Variants in MAST2 observed in about 807,000 individuals in gnomAD.
MAST2 encodes the protein microtubule associated serine/threonine kinase 2, also known as microtubule-associated serine/threonine-protein kinase 2.
In MAST2, 70 loss-of-function variants were observed where a neutral mutation model predicts 147.4. The ratio of observed to expected loss-of-function variants is 0.47; its 90% CI spans 0.39 to 0.58. The LOEUF is 0.58. Ranked by LOEUF, MAST2 falls within the 20% of genes least tolerant of loss-of-function variation. The pLI is 0.00. For synonymous variants in MAST2, 869 were observed against 896.8 expected, an observed-to-expected ratio of 0.97 and a Z score of 0.55; for missense variants, 2,080 against 2,302.3, an observed-to-expected ratio of 0.90 and a Z score of 1.98.
At position 46,035,313 on chromosome 1, in the gene MAST2, G is replaced by T. The variant is rs201977177; in HGVS notation, c.4644G>T (p.Pro1548=). Residue 1548 remains proline, a synonymous_variant, in exon 29 of 29, where the codon CCG becomes CCT. Transcript: ENST00000361297. This position sits in a 1 kb window ranked among gnomAD's most constrained non-coding sequence, Gnocchi z 5.5. The stretch of plus-strand genomic sequence containing the variant: ...AGAGTGGGGAAGAGGATCCTTTCCC[G>T]TCCAGAGACCCTAGGAGCCTGGGCC... The part of the protein sequence containing the change: ...AGESGEEDPF[P]SRDPRSLGPM... The T allele has an allele frequency of 1.4e-5, 23 of 1,613,824 alleles. No individual in the cohort carries two copies. The highest frequency in any genetic ancestry group is 1.9e-5 in the Non-Finnish European group (22 of 1,179,994).
At chr1:45,898,948 T>C (rs1208521476) in intron 4 of MAST2, among the ~76,000 whole-genome samples, 2 of 152,206 alleles carry the variant, frequency 1.3e-5, no homozygotes, top group East Asian at 1.9e-4. Context: ...GGGCATTCTT[T>C]TAACAGGCCA....
At chr1:45,869,249 T>G (rs1438908158) in intron 3 of MAST2, among the ~76,000 whole-genome samples, 1 of 152,212 alleles carries the variant, frequency 6.6e-6, no homozygotes, top group Non-Finnish European at 1.5e-5. Flanking sequence ...AGTATCTTTG[T>G]AGACAAGGAT....
intron 3 of MAST2, among the ~76,000 whole-genome samples, chr1:45,849,792 C>T (rs1051429813): frequency 1.3e-5 from 2 of 152,208 alleles, no homozygotes; most frequent in African/African-American, 4.8e-5. Context: ...TCCCAAAGTG[C>T]TGGGATTACA....
intron 1 of MAST2, among the ~76,000 whole-genome samples, chr1:45,812,786 A>G (rs1266547223): frequency 6.6e-6 from 1 of 152,194 alleles, no homozygotes; most frequent in Non-Finnish European, 1.5e-5. Flanking sequence ...GACCTCTCAA[A>G]CTTAACATGT....
At chr1:45,805,185 A>T (rs1224035170) in intron 1 of MAST2, among the ~76,000 whole-genome samples, 1 of 151,734 alleles carries the variant, frequency 6.6e-6, no homozygotes, top group Admixed American at 6.6e-5. Context: ...GCTAGCTGGG[A>T]TTACAGGTGC....
chr1:45,819,262 A>G (rs965432400), intron 1 of MAST2, among the ~76,000 whole-genome samples: 5 of 152,172 alleles, frequency 3.3e-5, no homozygotes, highest in African/African-American at 1.2e-4. Context: ...CAAAAAAAAA[A>G]AAAAAAAGAA....
chr1:45,934,228 T>C (rs2148738172), intron 4 of MAST2, among the ~76,000 whole-genome samples: 1 of 152,302 alleles, frequency 6.6e-6, no homozygotes, highest in African/African-American at 2.4e-5. Flanking sequence ...GCTGCATCCA[T>C]GTTGCTGTAA....
At chr1:45,990,898 G>GT (rs980599714) in intron 5 of MAST2, among the ~76,000 whole-genome samples, 2 of 151,782 alleles carry the variant, frequency 1.3e-5, no homozygotes, top group African/African-American at 4.8e-5. Context: ...GCTTATTAAT[G>GT]TTTTTTTTCA....
intron 4 of MAST2, among the ~76,000 whole-genome samples, chr1:45,933,120 C>T (rs1655596563): frequency 6.9e-6 from 1 of 145,396 alleles, no homozygotes; most frequent in Non-Finnish European, 1.5e-5. Context: ...CCTGTAGTCC[C>T]AGCTACTCAG....
Position 46,010,910 on chromosome 1 carries a change from C to G in MAST2, c.1159C>G (p.Gln387Glu). The G allele has an allele frequency of 6.2e-7, 1 of 1,614,156 alleles. No individual in the cohort carries two copies. Among genetic ancestry groups the G allele is most frequent in the Non-Finnish European group, 8.5e-7 (1 of 1,180,016 alleles). Residue 387 changes from glutamine (Q) to glutamate (E), a missense_variant, in exon 10 of 29, where the codon CAA (glutamine) becomes GAA (glutamate). Physicochemically the swap from Gln to Glu is conservative, Grantham distance 29. Around this residue, in one of 4 missense-constraint regions of MAST2, gnomAD observed 569 missense variants for 642.5 expected, o/e 0.89. Coordinates refer to ENST00000361297, the MANE Select transcript of MAST2 (RefSeq NM_015112.3). ...LITSQYFYELQDNLEKLLQDA... is the reference protein window; with the variant it reads ...LITSQYFYELEDNLEKLLQDA... ...TACATCACAATACTTCTACGAACTTCAAGATAATTTGGAGAAACTTTTACA... is the reference window on the plus strand; with the variant it reads ...TACATCACAATACTTCTACGAACTTGAAGATAATTTGGAGAAACTTTTACA...
intron 4 of MAST2, among the ~76,000 whole-genome samples, chr1:45,931,635 G>T (rs996233665): frequency 1.3e-5 from 2 of 151,902 alleles, no homozygotes; most frequent in South Asian, 4.2e-4. Flanking sequence ...GACTACAGGC[G>T]CCCGCCACCA....
At chr1:45,971,256 C>A (rs1643902735) in intron 5 of MAST2, among the ~76,000 whole-genome samples, 1 of 152,196 alleles carries the variant, frequency 6.6e-6, no homozygotes, top group Non-Finnish European at 1.5e-5. Flanking sequence ...TCCACAGTTA[C>A]TCAGCAATCA....
At chr1:45,816,211 GAGAGAGAGAA>G (rs1010486551) in intron 1 of MAST2, among the ~76,000 whole-genome samples, 2 of 138,016 alleles carry the variant, frequency 1.4e-5, no homozygotes, top group Admixed American at 1.5e-4. Flanking sequence ...GGGGGGGAGA[GAGAGAGAGAA>G]AGAGAGAGAG....
intron 4 of MAST2, among the ~76,000 whole-genome samples, chr1:45,938,129 G>T (rs1388656473): frequency 6.6e-6 from 1 of 152,028 alleles, no homozygotes; most frequent in Non-Finnish European, 1.5e-5. Flanking sequence ...CCTTTCTATT[G>T]TTGAATAATG....
At chr1:45,807,970 A>G (rs1644189231) in intron 1 of MAST2, among the ~76,000 whole-genome samples, 1 of 152,310 alleles carries the variant, frequency 6.6e-6, no homozygotes, top group African/African-American at 2.4e-5. Context: ...TTATTTGGGT[A>G]GTAAGAGCCC....
chr1:45,967,343 T>C (rs1425201913), intron 5 of MAST2, among the ~76,000 whole-genome samples: 2 of 152,182 alleles, frequency 1.3e-5, no homozygotes, highest in African/African-American at 4.8e-5. Flanking sequence ...GTGCTAGGAT[T>C]ACAGGCGTGA....
intron 4 of MAST2, among the ~76,000 whole-genome samples, chr1:45,904,523 A>G (rs1650328362): frequency 6.6e-6 from 1 of 150,950 alleles, no homozygotes; most frequent in Non-Finnish European, 1.5e-5. Flanking sequence ...GCTGGGGTGC[A>G]TTCGCGCAAT....
intron 8 of MAST2, 49 bp downstream of exon 8, chr1:46,006,444 G>GT: frequency 6.3e-7 from 1 of 1,579,700 alleles, no homozygotes; most frequent in South Asian, 1.2e-5. Context: ...ATTTCAGCTT[G>GT]TTTGCATAAC....
At chr1:45,884,316 G>A (rs1241950076) in intron 4 of MAST2, among the ~76,000 whole-genome samples, 1 of 152,118 alleles carries the variant, frequency 6.6e-6, no homozygotes, top group African/African-American at 2.4e-5. Flanking sequence ...GGGAGGCTGA[G>A]GTAGGTGGAT....
Sources: gnomAD v4.1 joint callset for allele counts (sites outside exome capture counted in the v4.1 genomes callset) on GRCh38, gnomAD v4.1.1 for gene constraint, gnomAD v4.1.1 regional missense constraint, Gnocchi (gnomAD v3.1) non-coding constraint, MANE v1.5 for transcripts, NCBI Gene and HGNC (gene_info 2026-07-23, HGNC 2026-07-21) for gene names.